Variants in KMT2D observed in about 807,000 individuals in gnomAD.
The protein encoded by KMT2D is lysine methyltransferase 2D.
Under a neutral mutation model 512.7 loss-of-function variants are expected in KMT2D, and 55 were observed. That is an observed-to-expected ratio of 0.11 (90% CI 0.09 to 0.13). The LOEUF (loss-of-function observed/expected upper bound fraction) is 0.13. KMT2D is among the 10% of genes least tolerant of loss of function. The pLI is 1.00. For synonymous variants in KMT2D, 2,995 were observed against 2,904.0 expected, an observed-to-expected ratio of 1.03 and a Z score of -1.01; for missense variants, 6,061 against 7,127.9, an observed-to-expected ratio of 0.85 and a Z score of 5.39.
Position 49,032,477 on chromosome 12 carries a change from CAGG to C in KMT2D, c.12225_12227del (p.Leu4077del), listed in dbSNP as rs1565775366. On this transcript the variant is annotated inframe_deletion, in exon 40 of 55. Coordinates refer to ENST00000301067, the MANE Select transcript of KMT2D (RefSeq NM_003482.4). Reference sequence around the variant, plus strand: ...GAGGCTGGGGCTGGGGTTGGACAAGCAGGAGTTGTGAGTCCCCAGAGAGTGAGG... The same window carrying C: ...GAGGCTGGGGCTGGGGTTGGACAAGCAGTTGTGAGTCCCCAGAGAGTGAGG... 15 of 1,567,528 alleles carry C rather than the reference CAGG, an allele frequency of 9.6e-6. No homozygotes were observed. The highest frequency in any genetic ancestry group is 1.2e-5 in the Non-Finnish European group (14 of 1,155,952).
Position 49,051,473 on chromosome 12 carries a change from C to T in KMT2D, c.2210G>A (p.Arg737Gln), listed in dbSNP as rs749732303. 6.2e-6 allele frequency: 10 copies of T among 1,612,862 alleles called. No homozygotes were observed. The highest frequency in any genetic ancestry group is 2.2e-5 in the East Asian group (1 of 44,846). The change falls in exon 11 of 55, where the codon CGG becomes CAG. Residue 737 changes from arginine to glutamine, a missense_variant. Coordinates refer to ENST00000301067, the MANE Select transcript of KMT2D (RefSeq NM_003482.4). ...PLPEEPQLCP[R>Q]SEGPHLSPRP... is the part of the protein sequence containing the mutation. Reference sequence around the variant, plus strand: ...GGGTGACAGGTGCGGCCCCTCGGACCGGGGGCAGAGTTGCGGCTCCTCAGG... The same window carrying T: ...GGGTGACAGGTGCGGCCCCTCGGACTGGGGGCAGAGTTGCGGCTCCTCAGG...
At position 49,032,032 on chromosome 12, in the gene KMT2D, G is replaced by A. The variant is rs949941431; in HGVS notation, c.12673C>T (p.Leu4225Phe). The change falls in exon 40 of 55, where the codon CTC (leucine) becomes TTC (phenylalanine). Residue 4225 changes from leucine (L) to phenylalanine (F), a missense_variant. By Grantham distance (22) the Leu-to-Phe change is conservative (BLOSUM62 0). This residue lies in a region of KMT2D where 1,600 missense variants were observed against 1,754.9 expected (regional missense o/e 0.91). Coordinates refer to ENST00000301067, the MANE Select transcript of KMT2D (RefSeq NM_003482.4). ...SPQQQQQLQA[L>F]LMQRQLQQSQ... ...TGCTGCAGCTGCCGCTGCATGAGGAGTGCCTGTAGCTGCTGCTGCTGCTGA... is the reference window on the plus strand; with the variant it reads ...TGCTGCAGCTGCCGCTGCATGAGGAATGCCTGTAGCTGCTGCTGCTGCTGA... The A allele has an allele frequency of 6.2e-7, 1 of 1,612,470 alleles. No individual in the cohort carries two copies. Among genetic ancestry groups the A allele is most frequent in the East Asian group, 2.2e-5 (1 of 44,846 alleles).
At chr12:49,047,815 T>C in intron 15 of KMT2D, 150 bp downstream of exon 15, 1 of 585,908 alleles carries the variant, frequency 1.7e-6, no homozygotes. Context: ...CAAAGTACTT[T>C]TCCCCAAGAA....
At chr12:49,027,672 C>T in intron 48 of KMT2D, 131 bp downstream of exon 48, 2 of 1,190,272 alleles carry the variant, frequency 1.7e-6, no homozygotes, top group Non-Finnish European at 2.4e-6. Flanking sequence ...CCAGGCTGGT[C>T]TCAAACTCCT....
intron 48 of KMT2D, 121 bp downstream of exon 48, chr12:49,027,682 T>C (rs927761839): frequency 7.8e-6 from 10 of 1,276,082 alleles, no homozygotes; most frequent in Non-Finnish European, 9.8e-6. Context: ...CTCAAACTCC[T>C]GGCCTAAAGT....
chr12:49,039,392 C>G lies in KMT2D; in HGVS notation c.8230-34G>C. 1 of 1,606,064 alleles carries G rather than the reference C, an allele frequency of 6.2e-7. No individual in the cohort carries two copies. The stretch of plus-strand genomic sequence containing the variant: ...GACAAGGTAGATGAAGGTGGAGCAA[C>G]CTTCAATATCCTGGCCCCACTATCC... On this transcript the variant is annotated intron_variant, in intron 33 of 54. Transcript: ENST00000301067. The surrounding 1 kb of genome is among the most constrained non-coding windows in gnomAD (Gnocchi z 5.0).
chr12:49,033,881 T>C lies in KMT2D; in HGVS notation c.10824A>G (p.Gln3608=), dbSNP rs189571290. The change falls in exon 40 of 55, where the codon CAA becomes CAG. Residue 3608 remains glutamine, a synonymous_variant. Coordinates refer to ENST00000301067, the MANE Select transcript of KMT2D (RefSeq NM_003482.4). ...KQQQQQQQQQ[Q]QQQQHSAVLA... ...GCACAGCTGAGTGCTGTTGCTGTTG[T>C]TGCTGCTGCTGCTGCTGTTGTTGCT... The C allele has an allele frequency of 7.0e-5, 107 of 1,539,356 alleles. No homozygotes were observed. The African/African-American group carries it at 1.3e-3, about 19-fold the overall frequency.
intron 1 of KMT2D, among the ~76,000 whole-genome samples, chr12:49,059,159 G>T (rs574030561): frequency 6.6e-6 from 1 of 152,230 alleles, no homozygotes; most frequent in East Asian, 1.9e-4. Context: ...TGCCCAACTC[G>T]GTAGGAACAA....
rs199997948 is a variant in KMT2D at position 49,039,454 on chromosome 12, G to A, written c.8210C>T (p.Thr2737Ile). The A allele has an allele frequency of 1.9e-6, 3 of 1,601,826 alleles. No homozygotes were observed. The highest frequency in any genetic ancestry group is 1.3e-5 in the African/African-American group (1 of 74,644). Residue 2737 changes from threonine to isoleucine, a missense_variant, in exon 33 of 55, where the codon ACC becomes ATC. This residue lies in a region of KMT2D where 527 missense variants were observed against 578.9 expected (regional missense o/e 0.91). Transcript: ENST00000301067. The surrounding 1 kb of genome is among the most constrained non-coding windows in gnomAD (Gnocchi z 5.0). ...ACCTACCTGTGTCCCAGCAAAGGGGGTCTGGCCTCGACTCAGCTGCTCAAA... is the reference window on the plus strand; with the variant it reads ...ACCTACCTGTGTCCCAGCAAAGGGGATCTGGCCTCGACTCAGCTGCTCAAA... ...PAFEQLSRGQTPFAGTQDKSS... is the reference protein window; with the variant it reads ...PAFEQLSRGQIPFAGTQDKSS...
At chr12:49,056,695 A>C (rs1374540502) in intron 1 of KMT2D, among the ~76,000 whole-genome samples, 1 of 152,194 alleles carries the variant, frequency 6.6e-6, no homozygotes, top group Non-Finnish European at 1.5e-5. Context: ...TTCTTGACTA[A>C]CCAGAGTGAC....
chr12:49,055,146 T>C lies in KMT2D; in HGVS notation c.50-120A>G, dbSNP rs1938333404. 1.9e-6 allele frequency: 3 copies of C among 1,554,148 alleles called. No individual in the cohort carries two copies. The East Asian group carries it at 6.7e-5, about 35-fold the overall frequency. ...GATCAGAGTGATGATATTTCAACTG[T>C]TGTCCCAAAGAACAAAGTTGTTCCA... On this transcript the variant is annotated intron_variant, in intron 2 of 54. Coordinates refer to ENST00000301067, the MANE Select transcript of KMT2D (RefSeq NM_003482.4).
intron 49 of KMT2D, among the ~76,000 whole-genome samples, chr12:49,025,575 A>G (rs372907125): frequency 9.8e-5 from 15 of 152,300 alleles, no homozygotes; most frequent in East Asian, 7.7e-4. Flanking sequence ...CAATGACAAA[A>G]TCACCTAACA....
rs750717855 is a variant in KMT2D, at chr12:49,022,656, G to T, written c.16272C>A (p.Ile5424=). The change falls in exon 52 of 55, where the codon ATC becomes ATA. Residue 5424 remains isoleucine, a synonymous_variant. Coordinates refer to ENST00000301067, the MANE Select transcript of KMT2D (RefSeq NM_003482.4). The surrounding 1 kb of genome is among the most constrained non-coding windows in gnomAD (Gnocchi z 8.6). ...AKDLEKHTMV[I]EYIGTIIRNE... is the part of the protein sequence containing the mutation. ...TCCGAATGATGGTGCCAATGTACTC[G>T]ATAACCATTGTGTGCTTTTCTAGGT... 6.2e-7 allele frequency: 1 copy of T among 1,613,908 alleles called. No homozygotes were observed. Among genetic ancestry groups the T allele is most frequent in the Non-Finnish European group, 8.5e-7 (1 of 1,179,852 alleles).
rs2120496395 is a variant in KMT2D, at chr12:49,038,400, A to G, written c.8956T>C (p.Leu2986=). ...PNPLALEAGK[L]PCEDPELDDD... Reference sequence around the variant, plus strand: ...TCCAGCTCGGGATCCTCACAGGGCAACTTCCCAGCTTCCAGGGCCAGAGGA... The same window carrying G: ...TCCAGCTCGGGATCCTCACAGGGCAGCTTCCCAGCTTCCAGGGCCAGAGGA... The change falls in exon 35 of 55, where the codon TTG becomes CTG. Residue 2986 remains leucine (L), a synonymous_variant. Coordinates refer to ENST00000301067, the MANE Select transcript of KMT2D (RefSeq NM_003482.4). The surrounding 1 kb of genome is among the most constrained non-coding windows in gnomAD (Gnocchi z 5.7). 1 of 1,613,794 alleles carries G rather than the reference A, an allele frequency of 6.2e-7. No individual in the cohort carries two copies. Among genetic ancestry groups the G allele is most frequent in the Non-Finnish European group, 8.5e-7 (1 of 1,179,784 alleles).
Position 49,033,461 on chromosome 12 carries a change from TAGA to T in KMT2D, c.11241_11243del (p.Leu3748del), listed in dbSNP as rs759750221. On this transcript the variant is annotated inframe_deletion, in exon 40 of 55. Transcript: ENST00000301067. ...GTTGCTGCTGGATTGCCACCTGTCC[TAGA>T]AGGTGCTGCTGCTGCTGTTGCTGCT... is the stretch of plus-strand genomic sequence containing the variant. The T allele has an allele frequency of 6.2e-7, 1 of 1,605,500 alleles. No homozygotes were observed. The highest frequency in any genetic ancestry group is 8.5e-7 in the Non-Finnish European group (1 of 1,176,100).
Position 49,021,602 on chromosome 12 carries a change from C to T in KMT2D, c.*178G>A. ...GTGGGGAAGAGGATTGTCCCTGGTG[C>T]CCAGGGTGGGCTTGGCCTAGGGCCC... On this transcript the variant is annotated 3_prime_UTR_variant, in exon 55 of 55. Coordinates refer to ENST00000301067, the MANE Select transcript of KMT2D (RefSeq NM_003482.4). 1.7e-6 allele frequency: 1 copy of T among 588,914 alleles called. No homozygotes were observed. The allele number at this position is 588,914 out of a possible 1,614,324, so 36.5% of individuals were successfully genotyped here.
In KMT2D at chr12:49,048,584, C is replaced by T. The variant is rs895380349; in HGVS notation, c.4131+75G>A. The T allele has an allele frequency of 7.3e-6, 7 of 954,456 alleles. No homozygotes were observed. The African/African-American group carries it at 1.1e-4, about 15-fold the overall frequency. 59.1% of individuals were successfully genotyped at this position (954,456 alleles called of 1,614,324 possible). On this transcript the variant is annotated intron_variant, in intron 14 of 54. Transcript: ENST00000301067. ...TAGCTGGGTATCCCCAAAGTAGGTC[C>T]AGTTTTCCCATCTATCCTCTCACCA...
intron 35 of KMT2D, among the ~76,000 whole-genome samples, chr12:49,036,312 G>T (rs1444819586): frequency 6.9e-6 from 1 of 145,152 alleles, no homozygotes; most frequent in Non-Finnish European, 1.5e-5. Flanking sequence ...TATCCCAATC[G>T]CTTTTTTTTT....
At chr12:49,035,101 T>C (rs1458871222) in intron 35 of KMT2D, among the ~76,000 whole-genome samples, 166 bp from the exon 36 acceptor site, 1 of 152,178 alleles carries the variant, frequency 6.6e-6, no homozygotes, top group African/African-American at 2.4e-5. Flanking sequence ...GAATCAGCTC[T>C]ATTCACAGGA....
Sources: allele counts gnomAD v4.1 joint callset (sites outside exome capture counted in the v4.1 genomes callset), GRCh38; gene constraint gnomAD v4.1.1; regional missense constraint gnomAD v4.1.1; non-coding constraint Gnocchi (gnomAD v3.1); transcripts MANE v1.5; gene names NCBI Gene and HGNC (gene_info 2026-07-23, HGNC 2026-07-21).